USB1: variants seen among roughly 807,000 people sequenced by gnomAD.
USB1 encodes U6 snRNA biogenesis phosphodiesterase 1, also known as U6 snRNA phosphodiesterase 1.
A neutral mutation model predicts 29.9 loss-of-function variants in USB1; 21 were observed. The observed-to-expected ratio is 0.70, with a 90% CI of 0.50 to 1.01. The LOEUF (loss-of-function observed/expected upper bound fraction) is 1.01. Among genes scored for constraint, USB1 ranks in the 50% least tolerant of loss-of-function variants. USB1 has a pLI of 0.00. For synonymous variants in USB1, 143 were observed against 134.9 expected, an observed-to-expected ratio of 1.06 and a Z score of -0.42; for missense variants, 330 against 347.1, an observed-to-expected ratio of 0.95 and a Z score of 0.39.
Position 58,020,533 on chromosome 16 carries a change from T to C in USB1, c.*288T>C, listed in dbSNP as rs1040659874. On this transcript the variant is annotated 3_prime_UTR_variant, in exon 7 of 7. Transcript: ENST00000219281. ...CTCTCCTCTCTCTCTTCCTCTTCTC[T>C]CTCTTCCCCTCCTGTCTCTCCTCCC... 8.8e-6 allele frequency: 4 copies of C among 456,494 alleles called. No homozygotes were observed. Among genetic ancestry groups the C allele is most frequent in the Non-Finnish European group, 1.6e-5 (4 of 251,870 alleles). 28.3% of individuals were successfully genotyped at this position (456,494 alleles called of 1,614,324 possible). A position where few individuals can be genotyped will look rare whatever the true frequency, so the allele number is the denominator to read the frequency against.
upstream of USB1, chr16:58,001,385 C>T (rs1219733420): frequency 3.5e-6 from 5 of 1,428,570 alleles, no homozygotes; most frequent in Middle Eastern, 2.3e-4. Flanking sequence ...GGTGCCAGCC[C>T]AGGCCCCGCC....
chr16:58,016,229 T>G (rs1235875933), intron 4 of USB1: 1 of 152,142 alleles, frequency 6.6e-6, no homozygotes, highest in Non-Finnish European at 1.5e-5. Flanking sequence ...ACCAATGGGT[T>G]GGATTTATGT....
In USB1 at chr16:58,021,570, C is replaced by T. The variant is rs535429733; in HGVS notation, c.*1325C>T. 1 of 152,386 alleles carries T rather than the reference C, an allele frequency of 6.6e-6. No individual in the cohort carries two copies. Among genetic ancestry groups the T allele is most frequent in the East Asian group, 1.9e-4 (1 of 5,194 alleles). The allele number at this position is 152,386 out of a possible 1,614,324, so 9.4% of individuals were successfully genotyped here. On this transcript the variant is annotated 3_prime_UTR_variant, in exon 7 of 7. Transcript: ENST00000219281. ...GGTGATGGACAGAGAAATCTTTTTA[C>T]AGTTTCAAATTATGTTCAACAAATA...
At chr16:58,017,533 C>T (rs1963645403) in intron 5 of USB1, 94 bp downstream of exon 5, 2 of 1,107,222 alleles carry the variant, frequency 1.8e-6, no homozygotes, top group East Asian at 2.6e-5. Flanking sequence ...AACCGAAGAC[C>T]CTTCAGAACC....
At chr16:58,012,424 C>T (rs1963516233) in intron 3 of USB1, 2 of 1,297,968 alleles carry the variant, frequency 1.5e-6, no homozygotes, top group Non-Finnish European at 2.1e-6. Flanking sequence ...CTGGCTCATG[C>T]ATGAGTGGAC....
rs1337290806 is a variant in USB1 at position 58,013,672 on chromosome 16, G to A, written c.450-601G>A. Reference sequence around the variant, plus strand: ...CTATTCCCCTCACGAAAGCGTCATAGGTGACAACAAGGACTCTGGAAACAG... The same window carrying A: ...CTATTCCCCTCACGAAAGCGTCATAAGTGACAACAAGGACTCTGGAAACAG... On this transcript the variant is annotated intron_variant, in intron 3 of 6. Coordinates refer to ENST00000219281, the MANE Select transcript of USB1 (RefSeq NM_024598.4). This position sits in a 1 kb window ranked among gnomAD's most constrained non-coding sequence, Gnocchi z 4.3. 1.0e-5 allele frequency: 10 copies of A among 976,912 alleles called. No individual in the cohort carries two copies. The East Asian group carries it at 1.1e-3, about 109-fold the overall frequency. 60.5% of individuals were successfully genotyped at this position (976,912 alleles called of 1,614,324 possible).
rs73546949 is a variant in USB1, at chr16:58,001,433, G to A, written c.-51G>A. 7 of 1,556,326 alleles carry A rather than the reference G, an allele frequency of 4.5e-6. No individual in the cohort carries two copies. Among genetic ancestry groups the A allele is most frequent in the South Asian group, 2.4e-5 (2 of 84,700 alleles). ...CTTCCGGCACAGCGGAACTCCGGGT[G>A]CCGGTTGAGGTTGCTGGTGGACCTG... On this transcript the variant is annotated 5_prime_UTR_variant, in exon 1 of 7. Transcript: ENST00000219281.
Position 58,001,421 on chromosome 16 carries a change from G to T in USB1, c.-63G>T, listed in dbSNP as rs572460232. 2.7e-5 allele frequency: 41 copies of T among 1,547,122 alleles called. No individual in the cohort carries two copies. The highest frequency in any genetic ancestry group is 2.1e-4 in the Admixed American group (11 of 51,442). ...CCTGGGAGGGCGCTTCCGGCACAGC[G>T]GAACTCCGGGTGCCGGTTGAGGTTG... is the stretch of plus-strand genomic sequence containing the variant. On this transcript the variant is annotated 5_prime_UTR_variant, in exon 1 of 7. Transcript: ENST00000219281.
At chr16:58,001,749 C>T (rs929160181) in intron 1 of USB1, among the ~76,000 whole-genome samples, 168 bp downstream of exon 1, 3 of 151,298 alleles carry the variant, frequency 2.0e-5, no homozygotes, top group African/African-American at 7.3e-5. Context: ...CTCCCCCCCA[C>T]CCCAGACAAA....
Position 58,002,584 on chromosome 16 carries a change from G to A in USB1, c.204G>A (p.Gly68=). 1 of 1,614,068 alleles carries A rather than the reference G, an allele frequency of 6.2e-7. No individual in the cohort carries two copies. The highest frequency in any genetic ancestry group is 1.3e-5 in the African/African-American group (1 of 75,042). The part of the protein sequence containing the change: ...EGPEDDSTKH[G]GRVRTFPHER... ...CTGAAGATGACAGCACAAAACACGG[G>A]GGACGGGTGCGCACCTTCCCCCACG... Residue 68 remains glycine (G), a synonymous_variant, in exon 2 of 7, where the codon GGG becomes GGA. Coordinates refer to ENST00000219281, the MANE Select transcript of USB1 (RefSeq NM_024598.4).
At chr16:58,007,593 G>C (rs1462595034) in intron 2 of USB1, among the ~76,000 whole-genome samples, 1 of 152,116 alleles carries the variant, frequency 6.6e-6, no homozygotes, top group Non-Finnish European at 1.5e-5. Flanking sequence ...TGTTGGCCAG[G>C]CTGTTCTCAA....
At chr16:58,009,364 G>A (rs1179857073) in intron 2 of USB1, among the ~76,000 whole-genome samples, 16 of 152,174 alleles carry the variant, frequency 1.1e-4, no homozygotes, top group Non-Finnish European at 1.5e-5. Context: ...TTAAGAGTCT[G>A]ATAAAACACT....
chr16:58,013,060 A>G lies in USB1; in HGVS notation c.450-1213A>G, dbSNP rs1963535332. 7.1e-6 allele frequency: 7 copies of G among 985,536 alleles called. No individual in the cohort carries two copies. Among genetic ancestry groups the G allele is most frequent in the Non-Finnish European group, 8.4e-6 (7 of 830,030 alleles). 61.0% of individuals were successfully genotyped at this position (985,536 alleles called of 1,614,324 possible). Reference sequence around the variant, plus strand: ...AAGCCCGGGCAGGTGTGGTCTGTTCAACTTTGATCATCTGGTTGAGCCTAA... The same window carrying G: ...AAGCCCGGGCAGGTGTGGTCTGTTCGACTTTGATCATCTGGTTGAGCCTAA... On this transcript the variant is annotated intron_variant, in intron 3 of 6. Transcript: ENST00000219281. The surrounding 1 kb of genome is among the most constrained non-coding windows in gnomAD (Gnocchi z 4.3).
chr16:58,019,427 T>C (rs1963689487), intron 6 of USB1, among the ~76,000 whole-genome samples: 1 of 152,106 alleles, frequency 6.6e-6, no homozygotes, highest in African/African-American at 2.4e-5. Flanking sequence ...TGCCCAGAGG[T>C]CAGAGGCTTG....
chr16:58,016,256 G>A (rs1423709665), intron 4 of USB1: 3 of 152,220 alleles, frequency 2.0e-5, no homozygotes, highest in African/African-American at 4.8e-5. Flanking sequence ...AGGGGAAGAC[G>A]AACATTGATT....
At chr16:58,001,687 C>A in intron 1 of USB1, 106 bp downstream of exon 1, 2 of 1,305,590 alleles carry the variant, frequency 1.5e-6, no homozygotes, top group Non-Finnish European at 2.2e-6. Context: ...CGGGGCGGCT[C>A]TGGGAAGGAA....
chr16:58,001,342 C>CG, upstream of USB1: 1 of 939,792 alleles, frequency 1.1e-6, no homozygotes, highest in Non-Finnish European at 1.7e-6. Context: ...ACTGTCCTGC[C>CG]GGGTTCCGCC....
At chr16:58,006,916 T>TA (rs1323856851) in intron 2 of USB1, among the ~76,000 whole-genome samples, 3 of 152,232 alleles carry the variant, frequency 2.0e-5, no homozygotes, top group Non-Finnish European at 4.4e-5. Context: ...TGAGAGTTTT[T>TA]ATCTTGAATG....
At chr16:58,001,274 A>C, upstream of USB1, 1 of 645,742 alleles carries the variant, frequency 1.5e-6, no homozygotes, top group Admixed American at 2.4e-5. Flanking sequence ...GCTGCAGGTG[A>C]CCAGATCCGC....
Sources: allele counts gnomAD v4.1 joint callset (sites outside exome capture counted in the v4.1 genomes callset), GRCh38; gene constraint gnomAD v4.1.1; non-coding constraint Gnocchi (gnomAD v3.1); transcripts MANE v1.5; gene names NCBI Gene and HGNC (gene_info 2026-07-23, HGNC 2026-07-21).